The following TEK variants were observed in gnomAD, a reference collection of about 807,000 sequenced individuals.
TEK encodes TEK receptor tyrosine kinase, also known as angiopoietin-1 receptor.
TEK carries 43 observed loss-of-function variants against 131.8 expected under a neutral mutation model. The ratio of observed to expected loss-of-function variants is 0.33; its 90% confidence interval spans 0.26 to 0.42. TEK has a LOEUF of 0.42. Ranked by LOEUF, TEK falls within the 10% of genes least tolerant of loss-of-function variation. TEK has a pLI of 1.00. For missense variants in TEK, 1,162 were observed against 1,384.4 expected (o/e 0.84, Z 2.55); for synonymous variants, 580 against 491.6 (o/e 1.18, Z -2.38).
intron 20 of TEK, among the ~76,000 whole-genome samples, chr9:27,219,362 T>TC (rs1326177735): frequency 6.6e-6 from 1 of 152,132 alleles, no homozygotes; most frequent in Non-Finnish European, 1.5e-5. Context: ...CTAGAAACCA[T>TC]CATCCTCAGT....
intron 1 of TEK, among the ~76,000 whole-genome samples, chr9:27,156,504 G>A (rs996845771): frequency 1.3e-5 from 2 of 151,946 alleles, no homozygotes; most frequent in African/African-American, 4.8e-5. Context: ...CAAGCAGAAG[G>A]TGGCCATGCC....
chr9:27,114,021 C>G (rs1006118560), intron 1 of TEK, among the ~76,000 whole-genome samples: 1 of 152,224 alleles, frequency 6.6e-6, no homozygotes, highest in Non-Finnish European at 1.5e-5. Flanking sequence ...TCCTGATGTT[C>G]TTCCCCTAAG....
intron 8 of TEK, among the ~76,000 whole-genome samples, chr9:27,185,154 C>T (rs1564083139): frequency 6.6e-6 from 1 of 152,084 alleles, no homozygotes; most frequent in Non-Finnish European, 1.5e-5. Context: ...TCCCACGCAG[C>T]CATCTCTGTG....
At chr9:27,118,341 A>G (rs916645913) in intron 1 of TEK, among the ~76,000 whole-genome samples, 1 of 152,200 alleles carries the variant, frequency 6.6e-6, no homozygotes, top group African/African-American at 2.4e-5. Flanking sequence ...CAAGGTTAAA[A>G]TGTAAGTGAC....
At chr9:27,129,555 G>T (rs887349821) in intron 1 of TEK, among the ~76,000 whole-genome samples, 10 of 152,106 alleles carry the variant, frequency 6.6e-5, no homozygotes, top group African/African-American at 2.2e-4. Flanking sequence ...GGAAATCTTA[G>T]CAGGAGCTCT....
At chr9:27,168,757 G>A (rs1823837451) in intron 3 of TEK, 152 bp downstream of exon 3, 1 of 678,662 alleles carries the variant, frequency 1.5e-6, no homozygotes, top group Non-Finnish European at 2.6e-6. Context: ...TATGATAGAA[G>A]CCCTCTTAGG....
intron 8 of TEK, 108 bp downstream of exon 8, chr9:27,183,718 G>A: frequency 6.9e-7 from 1 of 1,444,016 alleles, no homozygotes; most frequent in Non-Finnish European, 9.7e-7. Context: ...TCCTAGGCTA[G>A]TGTGTTGTTG....
chr9:27,168,441 C>A (rs118114083), intron 2 of TEK, 54 bp from the exon 3 acceptor site: 25 of 1,407,304 alleles, frequency 1.8e-5, no homozygotes, highest in Non-Finnish European at 2.4e-5. Flanking sequence ...CTCAATTGCT[C>A]CTGGAGAAAA....
intron 21 of TEK, among the ~76,000 whole-genome samples, chr9:27,223,923 G>T (rs1826193492): frequency 6.6e-6 from 1 of 152,152 alleles, no homozygotes; most frequent in Admixed American, 6.5e-5. Context: ...AAATGATAAA[G>T]GGGATATCAC....
chr9:27,147,711 G>A (rs1030771093), intron 1 of TEK, among the ~76,000 whole-genome samples: 1 of 152,010 alleles, frequency 6.6e-6, no homozygotes, highest in African/African-American at 2.4e-5. Context: ...CTAAAGTTTT[G>A]TATTTTAATG....
intron 1 of TEK, among the ~76,000 whole-genome samples, chr9:27,144,616 T>A (rs1292868253): frequency 1.3e-5 from 2 of 152,138 alleles, no homozygotes; most frequent in African/African-American, 4.8e-5. Flanking sequence ...TTTTTTTAAT[T>A]GAGGCGAGGG....
intron 1 of TEK, among the ~76,000 whole-genome samples, chr9:27,113,132 T>G (rs745744127): frequency 2.6e-5 from 4 of 152,218 alleles, no homozygotes; most frequent in Non-Finnish European, 5.9e-5. Context: ...AAACATGGAT[T>G]ACAAAGTCAA....
intron 9 of TEK, 83 bp downstream of exon 9, chr9:27,185,712 G>A (rs1303556974): frequency 9.0e-6 from 14 of 1,558,296 alleles, no homozygotes; most frequent in Non-Finnish European, 9.7e-6. Flanking sequence ...AAATGTATGC[G>A]ACCACTAAAA....
intron 2 of TEK, among the ~76,000 whole-genome samples, chr9:27,163,600 C>CCTGGAGAATGATAAGT (rs1199045791): frequency 6.6e-6 from 1 of 152,066 alleles, no homozygotes; most frequent in Non-Finnish European, 1.5e-5. Flanking sequence ...AGGATGTGGA[C>CCTGGAGAATGATAAGT]CTGGAGAATG....
chr9:27,164,166 G>T (rs1393506552), intron 2 of TEK, among the ~76,000 whole-genome samples: 1 of 152,112 alleles, frequency 6.6e-6, no homozygotes, highest in Non-Finnish European at 1.5e-5. Context: ...ATCTTGGACA[G>T]GTTACCTAGC....
At chr9:27,186,691 G>A (rs1174685696) in intron 9 of TEK, among the ~76,000 whole-genome samples, 1 of 152,180 alleles carries the variant, frequency 6.6e-6, no homozygotes, top group Non-Finnish European at 1.5e-5. Context: ...TGAGTCTCTT[G>A]TGTTACAGAG....
intron 9 of TEK, among the ~76,000 whole-genome samples, chr9:27,187,393 T>G (rs1420033691): frequency 6.6e-6 from 1 of 152,218 alleles, no homozygotes; most frequent in African/African-American, 2.4e-5. Context: ...AACTGGCAAC[T>G]TGTACTAAAC....
intron 21 of TEK, among the ~76,000 whole-genome samples, chr9:27,221,041 C>A (rs1424985966): frequency 6.6e-6 from 1 of 152,200 alleles, no homozygotes; most frequent in Non-Finnish European, 1.5e-5. Flanking sequence ...GCAAGCACAG[C>A]AGTATGAAGT....
chr9:27,131,638 C>T (rs1188207007), intron 1 of TEK, among the ~76,000 whole-genome samples: 7 of 150,494 alleles, frequency 4.7e-5, no homozygotes, highest in South Asian at 2.1e-4. Context: ...AAGGAGACCC[C>T]GTCTCTTAAA....
Sources: allele counts gnomAD v4.1 joint callset (sites outside exome capture counted in the v4.1 genomes callset), GRCh38; gene constraint gnomAD v4.1.1; transcripts MANE v1.5; gene names NCBI Gene and HGNC (gene_info 2026-07-23, HGNC 2026-07-21).